The following ALMS1 variants were observed in gnomAD, a reference collection of about 807,000 sequenced individuals.
ALMS1 encodes the protein ALMS1 centrosome and basal body associated protein.
ALMS1 carries 271 observed loss-of-function variants against 352.2 expected under a neutral mutation model. That is an observed-to-expected ratio of 0.77 (90% CI 0.70 to 0.85). ALMS1 has a LOEUF of 0.85. Among genes scored for constraint, ALMS1 ranks in the 40% least tolerant of loss-of-function variants. The pLI, the probability that ALMS1 is intolerant of heterozygous loss-of-function variation, is 0.00. For synonymous variants in ALMS1, 1,865 were observed against 1,761.2 expected, an observed-to-expected ratio of 1.06 and a Z score of -1.48; for missense variants, 5,445 against 4,870.7, an observed-to-expected ratio of 1.12 and a Z score of -3.51.
intron 16 of ALMS1, among the ~76,000 whole-genome samples, chr2:73,592,626 G>A (rs1675456643): frequency 6.6e-6 from 1 of 152,330 alleles, no homozygotes; most frequent in South Asian, 2.1e-4. Context: ...CTGAAGGCCA[G>A]CAGTACCAAT....
rs530120421 is a variant in ALMS1 at position 73,385,848 on chromosome 2, C to T, written c.-21C>T. On this transcript the variant is annotated 5_prime_UTR_variant, in exon 1 of 23. Coordinates refer to ENST00000613296, the MANE Select transcript of ALMS1 (RefSeq NM_001378454.1). ...TCCCCCCCTCCTCCTCCTCCTCTGC[C>T]GCCCAGAGCGAGACACCAACATGGA... 63 of 715,324 alleles carry T rather than the reference C, an allele frequency of 8.8e-5. No individual in the cohort carries two copies. The highest frequency in any genetic ancestry group is 7.9e-4 in the African/African-American group (45 of 57,230). The allele number at this position is 715,324 out of a possible 1,614,324, so 44.3% of individuals were successfully genotyped here.
intron 5 of ALMS1, among the ~76,000 whole-genome samples, chr2:73,425,450 G>A (rs1023292224): frequency 5.9e-5 from 9 of 152,118 alleles, no homozygotes; most frequent in Non-Finnish European, 8.8e-5. Context: ...CCTCTAAAAT[G>A]GAGGCTTCTG....
chr2:73,579,299 A>G (rs1373642444), intron 16 of ALMS1, among the ~76,000 whole-genome samples: 1 of 151,458 alleles, frequency 6.6e-6, no homozygotes, highest in East Asian at 1.9e-4. Context: ...ACCTCAGGTG[A>G]TCCACCTGCC....
intron 10 of ALMS1, among the ~76,000 whole-genome samples, chr2:73,514,647 C>T (rs925782270): frequency 2.0e-5 from 3 of 152,106 alleles, no homozygotes; most frequent in Non-Finnish European, 4.4e-5. Flanking sequence ...TTTACATACA[C>T]ACATCCTTTA....
chr2:73,473,004 A>C (rs62151652), intron 9 of ALMS1, among the ~76,000 whole-genome samples: 45,921 of 151,888 alleles, frequency 0.3, 8,506 homozygotes, highest in African/African-American at 0.53. Context: ...GAACGGTTGA[A>C]AAGGAGATAC....
chr2:73,403,424 G>C (rs1481916341), intron 1 of ALMS1, among the ~76,000 whole-genome samples: 1 of 152,032 alleles, frequency 6.6e-6, no homozygotes, highest in Non-Finnish European at 1.5e-5. Context: ...CACTGTTTGG[G>C]TTACTATAAC....
intron 10 of ALMS1, among the ~76,000 whole-genome samples, chr2:73,517,323 G>A (rs1323884730): frequency 7.0e-6 from 1 of 143,248 alleles, no homozygotes; most frequent in East Asian, 2.1e-4. Context: ...GTGCAGTCAC[G>A]GCTCACTGCT....
intron 9 of ALMS1, among the ~76,000 whole-genome samples, chr2:73,467,320 C>T (rs191144698): frequency 6.6e-6 from 1 of 152,190 alleles, no homozygotes; most frequent in African/African-American, 2.4e-5. Context: ...CTAGGTGTCT[C>T]ATAAATGAAG....
intron 12 of ALMS1, among the ~76,000 whole-genome samples, chr2:73,542,578 C>T (rs6746054): frequency 0.023 from 3,536 of 152,220 alleles, 129 homozygotes; most frequent in Admixed American, 0.087. Flanking sequence ...CAAATTGTCC[C>T]TGTTTGCAGA....
intron 12 of ALMS1, among the ~76,000 whole-genome samples, chr2:73,537,544 C>T (rs1674056571): frequency 6.6e-6 from 1 of 152,184 alleles, no homozygotes; most frequent in South Asian, 2.1e-4. Context: ...CCTGTTCAGG[C>T]ATTAGCTGAC....
chr2:73,495,184 C>T (rs1673078537), intron 10 of ALMS1, among the ~76,000 whole-genome samples: 1 of 152,154 alleles, frequency 6.6e-6, no homozygotes. Flanking sequence ...TGCCCCAGAG[C>T]TGGAATCAAC....
In ALMS1 at chr2:73,453,641, A is replaced by G. The variant is rs746259548; in HGVS notation, c.7114A>G (p.Met2372Val). 6.2e-7 allele frequency: 1 copy of G among 1,614,086 alleles called. No individual in the cohort carries two copies. Among genetic ancestry groups the G allele is most frequent in the Non-Finnish European group, 8.5e-7 (1 of 1,180,008 alleles). ...ACAGGAAGCAGAGAGCAAAGTCAGT[A>G]TGGCATTAGAAGAAACTCTTAGGCA... ...PLQEAESKVSMALEETLRQYQ... is the reference protein window; with the variant it reads ...PLQEAESKVSVALEETLRQYQ... The change falls in exon 8 of 23, where the codon ATG becomes GTG. Residue 2372 changes from methionine to valine, a missense_variant. Transcript: ENST00000613296.
At chr2:73,396,646 CT>C (rs60309974) in intron 1 of ALMS1, among the ~76,000 whole-genome samples, 39,184 of 104,550 alleles carry the variant, frequency 0.37, 7,856 homozygotes, top group African/African-American at 0.64. Context: ...ATTGTCCATT[CT>C]TTTTTTTTTT....
At chr2:73,522,941 C>G (rs1230147832) in intron 11 of ALMS1, among the ~76,000 whole-genome samples, 2 of 152,196 alleles carry the variant, frequency 1.3e-5, no homozygotes, top group African/African-American at 4.8e-5. Flanking sequence ...GTAAGCTGCT[C>G]TATGTTTTGC....
At chr2:73,603,343 AC>A in intron 21 of ALMS1, 39 bp downstream of exon 21, 1 of 1,596,622 alleles carries the variant, frequency 6.3e-7, no homozygotes, top group Non-Finnish European at 8.6e-7. Flanking sequence ...ACAAGTGTAA[AC>A]CAGGCCACCA....
rs544910095 is a variant in ALMS1 at position 73,579,067 on chromosome 2, T to A, written c.11547+5643T>A. Among the ~76,000 whole-genome samples, 108 of 137,820 alleles carry A rather than the reference T, an allele frequency of 7.8e-4. 1 individual carries two copies. In the Middle Eastern group the frequency reaches 0.01, roughly 13 times the overall value. 90.4% of individuals were successfully genotyped at this position (137,820 alleles called of 152,430 possible). ...GTCTTTAATTTCTCCTTTATTCTTT[T>A]TTTATTTATTTTTTTTTTTGAGACG... On this transcript the variant is annotated intron_variant, in intron 16 of 22. Coordinates refer to ENST00000613296, the MANE Select transcript of ALMS1 (RefSeq NM_001378454.1).
intron 11 of ALMS1, among the ~76,000 whole-genome samples, chr2:73,527,262 T>G (rs1327173706): frequency 6.6e-6 from 1 of 151,596 alleles, no homozygotes; most frequent in Admixed American, 6.6e-5. Flanking sequence ...TTTTTGGATG[T>G]GTCTTTGGTT....
At chr2:73,506,734 A>G (rs1673335536) in intron 10 of ALMS1, among the ~76,000 whole-genome samples, 1 of 152,144 alleles carries the variant, frequency 6.6e-6, no homozygotes, top group African/African-American at 2.4e-5. Flanking sequence ...AACAGAGATA[A>G]TTTGACTTCC....
chr2:73,449,227 A>AC lies in ALMS1; in HGVS notation c.2703dup (p.Ser902LeufsTer5). On this transcript the variant is annotated frameshift_variant, in exon 8 of 23. Coordinates refer to ENST00000613296, the MANE Select transcript of ALMS1 (RefSeq NM_001378454.1). LOFTEE classifies it high-confidence loss of function. ...GACCAGGTGATCAGAAGACTGGGAT[A>AC]CCCTCAGCACCATCTAGTTTCTACT... is the stretch of plus-strand genomic sequence containing the variant. 1 of 1,614,078 alleles carries AC rather than the reference A, an allele frequency of 6.2e-7. No individual in the cohort carries two copies.
Sources: allele counts gnomAD v4.1 joint callset (sites outside exome capture counted in the v4.1 genomes callset), GRCh38; gene constraint gnomAD v4.1.1; transcripts MANE v1.5; gene names NCBI Gene and HGNC (gene_info 2026-07-23, HGNC 2026-07-21).